Variants in PTPRM observed in about 807,000 individuals in gnomAD.
PTPRM encodes protein tyrosine phosphatase receptor type M.
A neutral mutation model predicts 186.7 loss-of-function variants in PTPRM; 47 were observed. The ratio of observed to expected loss-of-function variants is 0.25; its 90% CI spans 0.20 to 0.32. PTPRM has a LOEUF of 0.32. Ranked by LOEUF, PTPRM falls within the 10% of genes least tolerant of loss-of-function variation. PTPRM has a pLI of 1.00. For synonymous variants in PTPRM, 668 were observed against 674.9 expected, an observed-to-expected ratio of 0.99 and a Z score of 0.16; for missense variants, 1,494 against 1,865.0, an observed-to-expected ratio of 0.80 and a Z score of 3.66.
intron 1 of PTPRM, among the ~76,000 whole-genome samples, chr18:7,664,681 G>A (rs1330852811): frequency 6.6e-6 from 1 of 152,154 alleles, no homozygotes; most frequent in Non-Finnish European, 1.5e-5. Flanking sequence ...GAGCTGCATT[G>A]CATTTTTAGG....
chr18:7,679,117 A>G (rs141477914), intron 1 of PTPRM, among the ~76,000 whole-genome samples: 2 of 152,278 alleles, frequency 1.3e-5, no homozygotes, highest in African/African-American at 2.4e-5. Context: ...TTGGCTGTAC[A>G]TTTTTGAGCC....
intron 7 of PTPRM, among the ~76,000 whole-genome samples, chr18:8,013,726 G>T (rs1312564718): frequency 6.6e-6 from 1 of 152,174 alleles, no homozygotes; most frequent in African/African-American, 2.4e-5. Context: ...AACGCCATTA[G>T]TTCAAGGATA....
chr18:7,736,514 G>A (rs948829125), intron 1 of PTPRM, among the ~76,000 whole-genome samples: 3 of 152,040 alleles, frequency 2.0e-5, no homozygotes, highest in Non-Finnish European at 4.4e-5. Flanking sequence ...AGAAGGAAGG[G>A]CTTTATTCAG....
At chr18:7,679,571 A>T (rs2039431069) in intron 1 of PTPRM, among the ~76,000 whole-genome samples, 1 of 152,194 alleles carries the variant, frequency 6.6e-6, no homozygotes, top group African/African-American at 2.4e-5. Flanking sequence ...AGGCCGAGGC[A>T]CGAGAATCAC....
chr18:7,578,537 G>A (rs550495363), intron 1 of PTPRM, among the ~76,000 whole-genome samples: 8 of 151,884 alleles, frequency 5.3e-5, no homozygotes, highest in East Asian at 1.9e-4. Context: ...GGGTTTCACT[G>A]TGTTAGCCAG....
intron 2 of PTPRM, among the ~76,000 whole-genome samples, chr18:7,806,585 A>G (rs2044246961): frequency 6.6e-6 from 1 of 152,178 alleles, no homozygotes; most frequent in Non-Finnish European, 1.5e-5. Flanking sequence ...ATTGTCTTGG[A>G]AAGATGGAGC....
rs75812963 is a variant in PTPRM at position 8,170,152 on chromosome 18, T to C, written c.2300+26373T>C. ...TTTTGATGACTGCTTAACAGAGTGA[T>C]GTCAGCTATGCTAAAGTCCTGACAT... On this transcript the variant is annotated intron_variant, in intron 14 of 32. Transcript: ENST00000580170. Among the ~76,000 whole-genome samples the C allele has an allele frequency of 3.5e-4, 53 of 152,308 alleles. 1 individual carries two copies. The East Asian group carries it at 9.1e-3, about 26-fold the overall frequency.
At chr18:8,289,630 A>ATC (rs2098871889) in intron 19 of PTPRM, among the ~76,000 whole-genome samples, 1 of 146,184 alleles carries the variant, frequency 6.8e-6, no homozygotes, top group Non-Finnish European at 1.5e-5. Context: ...ACATATATAT[A>ATC]TACACACATA....
intron 13 of PTPRM, among the ~76,000 whole-genome samples, chr18:8,130,879 A>G (rs892006018): frequency 1.3e-5 from 2 of 152,220 alleles, no homozygotes; most frequent in Admixed American, 6.5e-5. Context: ...CTCAGCTTCC[A>G]TATCTGTAAA....
chr18:8,372,598 C>CT, intron 24 of PTPRM, among the ~76,000 whole-genome samples: 2 of 151,614 alleles, frequency 1.3e-5, no homozygotes, highest in South Asian at 4.2e-4. Flanking sequence ...CTTAGCCTGT[C>CT]TTTTTTAATA....
intron 14 of PTPRM, among the ~76,000 whole-genome samples, chr18:8,202,510 G>T (rs1258960876): frequency 6.6e-6 from 1 of 152,012 alleles, no homozygotes; most frequent in African/African-American, 2.4e-5. Context: ...AAAAAGTGGG[G>T]AGAGGGGAGA....
chr18:8,032,736 A>C (rs1167844594), intron 7 of PTPRM, among the ~76,000 whole-genome samples: 1 of 152,136 alleles, frequency 6.6e-6, no homozygotes, highest in Non-Finnish European at 1.5e-5. Flanking sequence ...AGTAGGATAA[A>C]AATAGAAAAT....
chr18:8,216,209 C>G (rs1012454970), intron 14 of PTPRM, among the ~76,000 whole-genome samples: 2 of 151,352 alleles, frequency 1.3e-5, no homozygotes, highest in African/African-American at 4.9e-5. Flanking sequence ...TTTTCTTTTT[C>G]TTTAACGTTT....
chr18:7,863,110 G>A (rs2047479162), intron 2 of PTPRM, among the ~76,000 whole-genome samples: 1 of 152,052 alleles, frequency 6.6e-6, no homozygotes, highest in South Asian at 2.1e-4. Flanking sequence ...GTATAGAAAT[G>A]GACTGTAAAC....
chr18:7,953,375 TA>T (rs1485959407), intron 6 of PTPRM, among the ~76,000 whole-genome samples: 1 of 152,154 alleles, frequency 6.6e-6, no homozygotes, highest in Non-Finnish European at 1.5e-5. Context: ...GGATGTACCA[TA>T]AAAGGCCCAT....
chr18:8,056,761 A>C (rs573120916), intron 7 of PTPRM, among the ~76,000 whole-genome samples: 1 of 151,974 alleles, frequency 6.6e-6, no homozygotes, highest in Admixed American at 6.6e-5. Context: ...CAAAAAAAAA[A>C]AAAATGGAAC....
At chr18:8,123,561 G>T (rs936403159) in intron 13 of PTPRM, among the ~76,000 whole-genome samples, 4 of 152,160 alleles carry the variant, frequency 2.6e-5, no homozygotes, top group Non-Finnish European at 5.9e-5. Context: ...TGACAGTTCT[G>T]TTGCCCTTGC....
intron 1 of PTPRM, among the ~76,000 whole-genome samples, chr18:7,679,887 A>G (rs1391606763): frequency 6.6e-6 from 1 of 151,892 alleles, no homozygotes; most frequent in Non-Finnish European, 1.5e-5. Context: ...ATTTTTTGCG[A>G]CAAGATCTCA....
chr18:8,323,944 C>T (rs935648916), intron 22 of PTPRM, among the ~76,000 whole-genome samples: 8 of 152,084 alleles, frequency 5.3e-5, no homozygotes, highest in Non-Finnish European at 1.0e-4. Context: ...CCCCCACCCC[C>T]CAATTTTACT....
Sources: gnomAD v4.1 joint callset for allele counts (sites outside exome capture counted in the v4.1 genomes callset) on GRCh38, gnomAD v4.1.1 for gene constraint, MANE v1.5 for transcripts, NCBI Gene and HGNC (gene_info 2026-07-23, HGNC 2026-07-21) for gene names.